Variants in PRIM2 observed in about 807,000 individuals in gnomAD.
PRIM2 encodes the protein DNA primase large subunit.
PRIM2 carries 39 observed loss-of-function variants against 67.3 expected under a neutral mutation model. The observed-to-expected ratio is 0.58, with a 90% CI of 0.45 to 0.76. PRIM2 has a LOEUF of 0.76. Among genes scored for constraint, PRIM2 ranks in the 30% least tolerant of loss-of-function variants. PRIM2 has a pLI of 0.00. For missense variants in PRIM2, 398 were observed against 598.7 expected, an observed-to-expected ratio of 0.66 and a Z score of 3.50; for synonymous variants, 143 against 198.7, an observed-to-expected ratio of 0.72 and a Z score of 2.36.
intron 7 of PRIM2, among the ~76,000 whole-genome samples, chr6:57,409,826 G>A (rs1771024601): frequency 6.6e-6 from 1 of 152,130 alleles, no homozygotes; most frequent in Non-Finnish European, 1.5e-5. Context: ...TATTTTATCA[G>A]TTTCTTTCTT....
chr6:57,515,381 C>T (rs1313513071), intron 8 of PRIM2, among the ~76,000 whole-genome samples: 4 of 152,154 alleles, frequency 2.6e-5, no homozygotes, highest in Admixed American at 2.0e-4. Context: ...TAGATGTTTT[C>T]CAGCAGATCA....
At chr6:57,511,784 T>G (rs1774374354) in intron 8 of PRIM2, among the ~76,000 whole-genome samples, 1 of 152,158 alleles carries the variant, frequency 6.6e-6, no homozygotes, top group Admixed American at 6.5e-5. Flanking sequence ...ATTGCTTAGA[T>G]GGTAATTTCA....
intron 10 of PRIM2, among the ~76,000 whole-genome samples, chr6:57,600,524 A>AT (rs1776445568): frequency 1.3e-5 from 2 of 152,024 alleles, no homozygotes; most frequent in Non-Finnish European, 2.9e-5. Context: ...CACCCAGCTA[A>AT]TATTTAATTT....
chr6:57,321,508 G>T (rs184959312), intron 3 of PRIM2, among the ~76,000 whole-genome samples: 48 of 152,182 alleles, frequency 3.2e-4, no homozygotes, highest in African/African-American at 9.9e-4. Flanking sequence ...TGGAAGTTAA[G>T]ACATGAGGAA....
At chr6:57,446,148 A>G (rs1218734488) in intron 7 of PRIM2, among the ~76,000 whole-genome samples, 1 of 152,190 alleles carries the variant, frequency 6.6e-6, no homozygotes, top group African/African-American at 2.4e-5. Flanking sequence ...AGTTCTAGAC[A>G]GCCAGATAGC....
upstream of PRIM2, among the ~76,000 whole-genome samples, chr6:57,312,546 G>C (rs1767409206): frequency 6.6e-6 from 1 of 151,946 alleles, no homozygotes; most frequent in Non-Finnish European, 1.5e-5. Flanking sequence ...AATCCCTTAA[G>C]TTCTTAATTT....
intron 5 of PRIM2, among the ~76,000 whole-genome samples, chr6:57,338,635 C>A (rs926160120): frequency 6.7e-6 from 1 of 149,304 alleles, no homozygotes; most frequent in African/African-American, 2.5e-5. Context: ...GCAGAAAAGG[C>A]CTTTGACAAA....
intron 13 of PRIM2, among the ~76,000 whole-genome samples, chr6:57,637,875 A>G (rs1313742548): frequency 6.6e-6 from 1 of 152,240 alleles, no homozygotes; most frequent in South Asian, 2.1e-4. Flanking sequence ...ACAGGCCAGC[A>G]TTCAAATTCA....
At chr6:57,580,057 G>A (rs1348124416) in intron 10 of PRIM2, among the ~76,000 whole-genome samples, 2,098 of 152,142 alleles carry the variant, frequency 0.014, 24 homozygotes, top group Non-Finnish European at 0.021. Flanking sequence ...GTAGGATTAA[G>A]GAGTTATATT....
the PRIM2 span, among the ~76,000 whole-genome samples, chr6:57,290,743 G>T: frequency 2.6e-5 from 4 of 152,168 alleles, no homozygotes; most frequent in African/African-American, 9.7e-5. Context: ...ACCAGCTCCT[G>T]AATGACTGCT....
chr6:57,327,369 A>G (rs1002439551), intron 5 of PRIM2, among the ~76,000 whole-genome samples: 7 of 152,210 alleles, frequency 4.6e-5, no homozygotes, highest in African/African-American at 1.7e-4. Context: ...AAGTTGCAAT[A>G]GGTGAAAGAC....
At chr6:57,338,678 T>C (rs1285192678) in intron 5 of PRIM2, among the ~76,000 whole-genome samples, 1 of 146,698 alleles carries the variant, frequency 6.8e-6, no homozygotes, top group Non-Finnish European at 1.5e-5. Flanking sequence ...AAACTCTCAA[T>C]AAATTAGGTA....
the PRIM2 span, among the ~76,000 whole-genome samples, chr6:57,249,409 G>A: frequency 6.6e-6 from 1 of 152,158 alleles, no homozygotes; most frequent in Non-Finnish European, 1.5e-5. Flanking sequence ...GGCCAAGTTT[G>A]CCAAGAGGGG....
intron 7 of PRIM2, among the ~76,000 whole-genome samples, chr6:57,398,209 C>T (rs543567913): frequency 5.9e-5 from 9 of 152,194 alleles, no homozygotes; most frequent in African/African-American, 1.9e-4. Context: ...CTGCTTGCCT[C>T]GGCCTCCCAG....
At position 57,380,143 on chromosome 6, in the gene PRIM2, G is replaced by T. The variant is rs113624870; in HGVS notation, c.555+147G>T. 8.8e-4 allele frequency: 559 copies of T among 638,268 alleles called. 3 individuals are homozygous for T. The African/African-American group carries it at 9.8e-3, about 11-fold the overall frequency. 39.5% of individuals were successfully genotyped at this position (638,268 alleles called of 1,614,324 possible). ...CAGATACTGTCCTCATTGCACTAAT[G>T]GTGTGCCAATGTTCTCTCCTGGGCT... On this transcript the variant is annotated intron_variant, in intron 6 of 13. Transcript: ENST00000615550.
intron 7 of PRIM2, among the ~76,000 whole-genome samples, chr6:57,494,223 A>C (rs1773956040): frequency 6.6e-6 from 1 of 152,178 alleles, no homozygotes; most frequent in African/African-American, 2.4e-5. Context: ...TCCTGCTTGC[A>C]GTATGGTGTT....
At chr6:57,427,251 TG>T (rs1771663511) in intron 7 of PRIM2, among the ~76,000 whole-genome samples, 1 of 152,250 alleles carries the variant, frequency 6.6e-6, no homozygotes, top group Non-Finnish European at 1.5e-5. Context: ...GGAATGGCTT[TG>T]TTAAAAACTA....
At chr6:57,477,790 A>G (rs1773510719) in intron 7 of PRIM2, among the ~76,000 whole-genome samples, 2 of 152,210 alleles carry the variant, frequency 1.3e-5, no homozygotes, top group African/African-American at 4.8e-5. Flanking sequence ...AAACCAGATG[A>G]TAACCTCTGT....
rs1472930402 is a variant in PRIM2 at position 57,619,841 on chromosome 6, T to C, written c.1231-12292T>C. On this transcript the variant is annotated intron_variant, in intron 12 of 13. Transcript: ENST00000615550. ...GACAATTCTAAAAGCTTAGAAAACATATTTGGGGGAATAATGGAGGAAAAC... is the reference window on the plus strand; with the variant it reads ...GACAATTCTAAAAGCTTAGAAAACACATTTGGGGGAATAATGGAGGAAAAC... Among the ~76,000 whole-genome samples the C allele has an allele frequency of 1.7e-3, 266 of 152,248 alleles. 1 individual carries two copies. Among genetic ancestry groups the C allele is most frequent in the Non-Finnish European group, 1.5e-3 (102 of 68,022 alleles).
Sources: allele counts gnomAD v4.1 joint callset (sites outside exome capture counted in the v4.1 genomes callset), GRCh38; gene constraint gnomAD v4.1.1; transcripts MANE v1.5; gene names NCBI Gene and HGNC (gene_info 2026-07-23, HGNC 2026-07-21).